The following ATP8B3 variants were observed in gnomAD, a reference collection of about 807,000 sequenced individuals.
ATP8B3 encodes ATPase phospholipid transporting 8B3, also known as phospholipid-transporting ATPase IK.
In ATP8B3, 141 loss-of-function variants were observed where a neutral mutation model predicts 140.9. That is an observed-to-expected ratio of 1.00 (90% CI 0.87 to 1.15). ATP8B3 has a LOEUF of 1.15. ATP8B3 is among the 50% of genes most tolerant of loss of function. The pLI, the probability that ATP8B3 is intolerant of heterozygous loss-of-function variation, is 0.00. For synonymous variants in ATP8B3, 765 were observed against 714.6 expected (o/e 1.07, Z -1.13); for missense variants, 1,874 against 1,740.6 (o/e 1.08, Z -1.36).
chr19:1,800,134 C>T lies in ATP8B3; in HGVS notation c.1365G>A (p.Gly455=). The change falls in exon 14 of 29, where the codon GGG becomes GGA. Residue 455 remains glycine, a synonymous_variant. Transcript: ENST00000310127. The surrounding 1 kb of genome is among the most constrained non-coding windows in gnomAD (Gnocchi z 4.4). ...MFILSEFIYL[G]NSVFIDWDVQ... ...CGTCCCAGTCGATGAAGACGCTGTT[C>T]CCCAGGTAGATGAACTCGGACCTGC... 3.8e-6 allele frequency: 6 copies of T among 1,558,706 alleles called. No individual in the cohort carries two copies. Among genetic ancestry groups the T allele is most frequent in the South Asian group, 1.2e-5 (1 of 84,722 alleles).
At chr19:1,802,346 T>C in intron 11 of ATP8B3, 141 bp downstream of exon 11, 1 of 382,932 alleles carries the variant, frequency 2.6e-6, no homozygotes, top group Non-Finnish European at 4.3e-6. Context: ...CCCACCCATC[T>C]GCCCATCTAT....
rs374343443 is a variant in ATP8B3 at position 1,796,694 on chromosome 19, G to A, written c.1753+17C>T. 497 of 1,605,534 alleles carry A rather than the reference G, an allele frequency of 3.1e-4. 1 individual carries two copies. The highest frequency in any genetic ancestry group is 3.7e-4 in the Middle Eastern group (2 of 5,386). ...GGGGCTGAGCGGCCTCAGAGATGGG[G>A]AGGTGGGTGGGCGCACCTGGGCGCT... On this transcript the variant is annotated intron_variant, in intron 16 of 28. Transcript: ENST00000310127.
Position 1,806,430 on chromosome 19 carries a change from A to T in ATP8B3, c.677+198T>A. 2.8e-6 allele frequency: 4 copies of T among 1,448,502 alleles called. No individual in the cohort carries two copies. The highest frequency in any genetic ancestry group is 2.8e-5 in the African/African-American group (2 of 70,176). The allele number at this position is 1,448,502 out of a possible 1,614,324, so 89.7% of individuals were successfully genotyped here. On this transcript the variant is annotated intron_variant, in intron 7 of 28. Coordinates refer to ENST00000310127, the MANE Select transcript of ATP8B3 (RefSeq NM_138813.4). The surrounding 1 kb of genome is among the most constrained non-coding windows in gnomAD (Gnocchi z 5.6). ...CATCGCCCGAGCCCTAAGCTCTGCA[A>T]GGGTTCGCCATCAGGGCCTCGGCCT...
In ATP8B3 at chr19:1,787,145, C is replaced by T. The variant is rs769709965; in HGVS notation, c.3111G>A (p.Leu1037=). 5 of 1,610,950 alleles carry T rather than the reference C, an allele frequency of 3.1e-6. No individual in the cohort carries two copies. The African/African-American group carries it at 4.0e-5, about 13-fold the overall frequency. ...EGWFLALFNL[L]YSTLPVLYIG... ...TGTAGAGAACTGGCAGGGTGCTGTA[C>T]AGGAGGTTGAAAAGAGCCAGGAACC... is the stretch of plus-strand genomic sequence containing the variant. Residue 1037 remains leucine (L), a synonymous_variant, in exon 25 of 29, where the codon CTG becomes CTA. Transcript: ENST00000310127.
intron 18 of ATP8B3, 58 bp downstream of exon 18, chr19:1,795,816 CA>C (rs2068647476): frequency 9.6e-7 from 1 of 1,038,166 alleles, no homozygotes; most frequent in South Asian, 1.4e-5. Flanking sequence ...CACACACACA[CA>C]CACACACACA....
intron 27 of ATP8B3, 45 bp downstream of exon 27, chr19:1,785,114 C>T: frequency 6.6e-7 from 1 of 1,507,488 alleles, no homozygotes; most frequent in Non-Finnish European, 8.9e-7. Flanking sequence ...CATCGGGGCT[C>T]CCCTGCACCA....
intron 23 of ATP8B3, 88 bp downstream of exon 23, chr19:1,789,269 CACCT>C: frequency 7.4e-7 from 1 of 1,345,132 alleles, no homozygotes; most frequent in Non-Finnish European, 9.8e-7. Context: ...GCGCCCCCCT[CACCT>C]GCCCCAGGTC....
rs2069212371 is a variant in ATP8B3 at position 1,812,265 on chromosome 19, C to CGG, written c.-230_-229dup. On this transcript the variant is annotated 5_prime_UTR_variant, in exon 1 of 29. Coordinates refer to ENST00000310127, the MANE Select transcript of ATP8B3 (RefSeq NM_138813.4). ...GGTGGAACCGTTAGCCCGGTGCCAA[C>CGG]GGTCCTGAAACGGGGGGCGGGATCT... 6.7e-6 allele frequency: 1 copy of CGG among 148,412 alleles called. No individual in the cohort carries two copies. The highest frequency in any genetic ancestry group is 2.2e-4 in the South Asian group (1 of 4,646). 9.2% of individuals were successfully genotyped at this position (148,412 alleles called of 1,614,324 possible).
At chr19:1,783,679 G>A (rs2068223013) in intron 28 of ATP8B3, among the ~76,000 whole-genome samples, 1 of 152,194 alleles carries the variant, frequency 6.6e-6, no homozygotes, top group Non-Finnish European at 1.5e-5. Flanking sequence ...GGTGAGCCTG[G>A]GACAGCCAGG....
In ATP8B3 at chr19:1,782,589, A is replaced by G. The variant is rs2068191508; in HGVS notation, c.*439T>C. Reference sequence around the variant, plus strand: ...TTCCGGAACGGTGTGGAGGGCTTCAAAAATGCTGACTTCTCCTCCGAGGAG... The same window carrying G: ...TTCCGGAACGGTGTGGAGGGCTTCAGAAATGCTGACTTCTCCTCCGAGGAG... On this transcript the variant is annotated 3_prime_UTR_variant, in exon 29 of 29. Transcript: ENST00000310127. The G allele has an allele frequency of 8.7e-6, 2 of 228,666 alleles. No homozygotes were observed. The highest frequency in any genetic ancestry group is 1.7e-5 in the Non-Finnish European group (2 of 116,816). The allele number at this position is 228,666 out of a possible 1,614,324, so 14.2% of individuals were successfully genotyped here. A position where few individuals can be genotyped will look rare whatever the true frequency, so the allele number is the denominator to read the frequency against.
rs2068608365 is a variant in ATP8B3 at position 1,794,459 on chromosome 19, C to G, written c.2055+1416G>C. ...CATCTTCCCACACACACCCCGCTGC[C>G]CTGTGCTCCATGCTGCTGGGGCCCC... is the stretch of plus-strand genomic sequence containing the variant. On this transcript the variant is annotated intron_variant, in intron 18 of 28. Coordinates refer to ENST00000310127, the MANE Select transcript of ATP8B3 (RefSeq NM_138813.4). The surrounding 1 kb of genome is among the most constrained non-coding windows in gnomAD (Gnocchi z 4.8). 6.6e-6 allele frequency among the ~76,000 whole-genome samples: 1 copy of G among 152,036 alleles called. No homozygotes were observed. Among genetic ancestry groups the G allele is most frequent in the Admixed American group, 6.6e-5 (1 of 15,260 alleles).
intron 10 of ATP8B3, among the ~76,000 whole-genome samples, chr19:1,804,898 T>C (rs1038884975): frequency 6.6e-6 from 1 of 152,272 alleles, no homozygotes; most frequent in Non-Finnish European, 1.5e-5. Context: ...TGCCAGCCCA[T>C]GCACGCAGGT....
chr19:1,811,343 G>T, intron 2 of ATP8B3, 146 bp downstream of exon 2: 1 of 1,154,130 alleles, frequency 8.7e-7, no homozygotes, highest in Non-Finnish European at 1.2e-6. Context: ...GCCCTGCACC[G>T]GGGGCCCTGG....
chr19:1,808,157 A>G (rs918875403), intron 5 of ATP8B3, 65 bp downstream of exon 5: 2 of 1,338,934 alleles, frequency 1.5e-6, no homozygotes, highest in African/African-American at 2.9e-5. Context: ...CCCATCACAC[A>G]GACAAACACA....
chr19:1,809,602 C>A, intron 4 of ATP8B3, 41 bp downstream of exon 4: 5 of 1,536,774 alleles, frequency 3.3e-6, no homozygotes, highest in Non-Finnish European at 4.4e-6. Flanking sequence ...GGTACCACGG[C>A]AGCTCCTCTG....
Position 1,805,511 on chromosome 19 carries a change from GC to G in ATP8B3, c.822-56del. 2 of 1,410,776 alleles carry G rather than the reference GC, an allele frequency of 1.4e-6. No homozygotes were observed. The highest frequency in any genetic ancestry group is 1.2e-5 in the South Asian group (1 of 81,376). The allele number at this position is 1,410,776 out of a possible 1,614,324, so 87.4% of individuals were successfully genotyped here. A position where few individuals can be genotyped will look rare whatever the true frequency, so the allele number is the denominator to read the frequency against. Reference sequence around the variant, plus strand: ...GTGGAGTTGATGGATGCTTCGAGGAGCCCCCAGACCCCTTCTGGAGTCACTC... The same window carrying G: ...GTGGAGTTGATGGATGCTTCGAGGAGCCCCAGACCCCTTCTGGAGTCACTC... On this transcript the variant is annotated intron_variant, in intron 9 of 28. Transcript: ENST00000310127. This position sits in a 1 kb window ranked among gnomAD's most constrained non-coding sequence, Gnocchi z 5.2.
chr19:1,802,661 TGGTCAGTG>T lies in ATP8B3; in HGVS notation c.905-24_905-17del. Reference sequence around the variant, plus strand: ...GTCACTGTGCCTGTGGGTGGCCAGGTGGTCAGTGGGTCAGTGGGCTCAGGCCCTCCTCC... The same window carrying T: ...GTCACTGTGCCTGTGGGTGGCCAGGTGGTCAGTGGGCTCAGGCCCTCCTCC... On this transcript the variant is annotated splice_polypyrimidine_tract_variant and intron_variant, in intron 10 of 28. Transcript: ENST00000310127. 3 of 1,603,870 alleles carry T rather than the reference TGGTCAGTG, an allele frequency of 1.9e-6. No individual in the cohort carries two copies. The highest frequency in any genetic ancestry group is 1.8e-4 in the Middle Eastern group (1 of 5,648).
intron 16 of ATP8B3, 43 bp downstream of exon 16, chr19:1,796,668 G>A (rs754179308): frequency 3.0e-5 from 48 of 1,586,954 alleles, no homozygotes; most frequent in East Asian, 1.1e-4. Flanking sequence ...GCCGTGCCCC[G>A]GGGGCTGAGC....
In ATP8B3 at chr19:1,785,612, C is replaced by G. The variant is rs199747014; in HGVS notation, c.3250G>C (p.Ala1084Pro). Reference sequence around the variant, plus strand: ...ACCAGAGAGGTGGTCACACCATGGGCGATGGCTTGGACGAAGACCCAGTAG... The same window carrying G: ...ACCAGAGAGGTGGTCACACCATGGGGGATGGCTTGGACGAAGACCCAGTAG... Reference protein sequence around the residue: ...FNYWVFVQAIAHGVTTSLVNF... With the variant: ...FNYWVFVQAIPHGVTTSLVNF... Residue 1084 changes from alanine (A) to proline (P), a missense_variant, in exon 26 of 29, where the codon GCC (alanine) becomes CCC (proline). Ala to Pro is a conservative substitution (Grantham distance 27). This residue lies in a region of ATP8B3 where 840 missense variants were observed against 760.9 expected (regional missense o/e 1.10). Transcript: ENST00000310127. 17 of 1,613,262 alleles carry G rather than the reference C, an allele frequency of 1.1e-5. No individual in the cohort carries two copies. The South Asian group carries it at 1.9e-4, about 18-fold the overall frequency.
Sources: allele counts gnomAD v4.1 joint callset (sites outside exome capture counted in the v4.1 genomes callset), GRCh38; gene constraint gnomAD v4.1.1; regional missense constraint gnomAD v4.1.1; non-coding constraint Gnocchi (gnomAD v3.1); transcripts MANE v1.5; gene names NCBI Gene and HGNC (gene_info 2026-07-23, HGNC 2026-07-21).